ACSS1: variants seen among roughly 807,000 people sequenced by gnomAD.
ACSS1 encodes the protein acetyl-coenzyme A synthetase 2-like, mitochondrial.
A neutral mutation model predicts 75.3 loss-of-function variants in ACSS1; 42 were observed. The observed-to-expected ratio is 0.56, with a 90% CI of 0.44 to 0.72. The LOEUF (loss-of-function observed/expected upper bound fraction) is 0.72, where lower values mean the gene tolerates loss of function less well. Ranked by LOEUF, ACSS1 falls within the 30% of genes least tolerant of loss-of-function variation. The pLI, the probability that ACSS1 is intolerant of heterozygous loss-of-function variation, is 0.00. For missense variants in ACSS1, 782 were observed against 935.7 expected, an observed-to-expected ratio of 0.84 and a Z score of 2.14; for synonymous variants, 380 against 376.8, an observed-to-expected ratio of 1.01 and a Z score of -0.10.
At chr20:25,022,310 G>C (rs2088637027) in intron 5 of ACSS1, among the ~76,000 whole-genome samples, 1 of 152,174 alleles carries the variant, frequency 6.6e-6, no homozygotes, top group Non-Finnish European at 1.5e-5. Flanking sequence ...GCAGTGATCT[G>C]AGATCACACC....
At chr20:25,018,423 T>C (rs2088557646) in intron 7 of ACSS1, among the ~76,000 whole-genome samples, 1 of 152,200 alleles carries the variant, frequency 6.6e-6, no homozygotes, top group African/African-American at 2.4e-5. Context: ...ATTCACCATC[T>C]AGAAAGGAAC....
chr20:25,041,388 G>A (rs115988735), intron 2 of ACSS1, among the ~76,000 whole-genome samples: 2,027 of 152,338 alleles, frequency 0.013, 53 homozygotes, highest in African/African-American at 0.046. Context: ...GGCATGGAGG[G>A]TCTGCATAAG....
At position 25,024,389 on chromosome 20, in the gene ACSS1, C is replaced by A. The variant is rs774236247; in HGVS notation, c.632-748G>T. On this transcript the variant is annotated intron_variant, in intron 3 of 13. Coordinates refer to ENST00000323482, the MANE Select transcript of ACSS1 (RefSeq NM_032501.4). ...GTGTCCTCCACGCTGTGCCCCAGTG[C>A]GGGATGACCCAGAGGGATCACAGCT... Among the ~76,000 whole-genome samples, 3 of 152,328 alleles carry A rather than the reference C, an allele frequency of 2.0e-5. No individual in the cohort carries two copies. In the East Asian group the frequency reaches 5.8e-4, roughly 29 times the overall value.
Position 25,013,561 on chromosome 20 carries a change from C to T in ACSS1, c.1554G>A (p.Val518=), listed in dbSNP as rs1393112099. ...RTIYGDHQRF[V]DAYFKAYPGY... ...CTGGGTAGGCCTTGAAGTAGGCGTCCACAAATCGCTGGTGGTCGCCATAGA... is the reference window on the plus strand; with the variant it reads ...CTGGGTAGGCCTTGAAGTAGGCGTCTACAAATCGCTGGTGGTCGCCATAGA... The change falls in exon 10 of 14, where the codon GTG becomes GTA. Residue 518 remains valine (V), a synonymous_variant. Transcript: ENST00000323482. 4 of 1,604,072 alleles carry T rather than the reference C, an allele frequency of 2.5e-6. No homozygotes were observed. The highest frequency in any genetic ancestry group is 8.5e-7 in the Non-Finnish European group (1 of 1,171,846).
At chr20:25,046,638 C>CTTT in intron 2 of ACSS1, 1 of 603,468 alleles carries the variant, frequency 1.7e-6, no homozygotes, top group South Asian at 2.0e-5. Flanking sequence ...TACTGAAGAA[C>CTTT]TACTCCAGGG....
chr20:25,051,341 G>A (rs961634376), intron 1 of ACSS1, among the ~76,000 whole-genome samples: 15 of 152,206 alleles, frequency 9.9e-5, no homozygotes, highest in African/African-American at 3.6e-4. Flanking sequence ...TTGCGTCCTC[G>A]AGCCAAAGGG....
intron 2 of ACSS1, among the ~76,000 whole-genome samples, chr20:25,037,005 A>AAAGAAAGG (rs1555853782): frequency 7.6e-6 from 1 of 131,850 alleles, no homozygotes; most frequent in Admixed American, 7.6e-5. Context: ...AAGAAGAAAG[A>AAAGAAAGG]AAGGAAGGAA....
chr20:25,035,488 C>A (rs1295510539), intron 2 of ACSS1, among the ~76,000 whole-genome samples: 2 of 152,090 alleles, frequency 1.3e-5, no homozygotes, highest in Non-Finnish European at 2.9e-5. Flanking sequence ...TCACTGCAAC[C>A]TCCACCTCCC....
At position 25,007,259 on chromosome 20, in the gene ACSS1, A is replaced by AGAGG. The variant is rs2088324563; in HGVS notation, c.*502_*503insCCTC. On this transcript the variant is annotated 3_prime_UTR_variant, in exon 14 of 14. Coordinates refer to ENST00000323482, the MANE Select transcript of ACSS1 (RefSeq NM_032501.4). ...GGCAAAAAAGGAGATTTTCATAACT[A>AGAGG]CATGTTAAAAAGAACATGTTCAAGT... is the stretch of plus-strand genomic sequence containing the variant. 1 of 1,135,234 alleles carries AGAGG rather than the reference A, an allele frequency of 8.8e-7. No homozygotes were observed. Among genetic ancestry groups the AGAGG allele is most frequent in the Non-Finnish European group, 1.1e-6 (1 of 923,554 alleles). 70.3% of individuals were successfully genotyped at this position (1,135,234 alleles called of 1,614,324 possible).
intron 10 of ACSS1, 99 bp from the exon 11 acceptor site, chr20:25,013,038 A>T: frequency 6.4e-7 from 1 of 1,560,124 alleles, no homozygotes; most frequent in Non-Finnish European, 8.7e-7. Context: ...CACGCGGCTG[A>T]AGTCTCGCCC....
intron 2 of ACSS1, among the ~76,000 whole-genome samples, chr20:25,041,414 C>T (rs2089002104): frequency 6.6e-6 from 1 of 152,228 alleles, no homozygotes; most frequent in African/African-American, 2.4e-5. Context: ...GGCTGGGCTT[C>T]CACAGATGGC....
intron 3 of ACSS1, among the ~76,000 whole-genome samples, chr20:25,028,401 T>A (rs2122672496): frequency 6.6e-6 from 1 of 152,294 alleles, no homozygotes; most frequent in South Asian, 2.1e-4. Context: ...GAGATAATAA[T>A]AGATACATAG....
chr20:25,035,727 A>C (rs1199963005), intron 2 of ACSS1, among the ~76,000 whole-genome samples: 2 of 152,192 alleles, frequency 1.3e-5, no homozygotes, highest in African/African-American at 4.8e-5. Context: ...TGGATTTTTA[A>C]GTTTAAACTC....
intron 1 of ACSS1, among the ~76,000 whole-genome samples, chr20:25,050,694 C>T (rs1327781810): frequency 6.6e-6 from 1 of 152,044 alleles, no homozygotes; most frequent in African/African-American, 2.4e-5. Flanking sequence ...CTCATCGCCT[C>T]ACCTGCTCCC....
chr20:25,052,497 G>A (rs2089188650), intron 1 of ACSS1, among the ~76,000 whole-genome samples: 2 of 152,192 alleles, frequency 1.3e-5, no homozygotes, highest in Admixed American at 1.3e-4. Context: ...CCAAGGGCAG[G>A]GACTGTGTCC....
At position 25,006,265 on chromosome 20, in the gene ACSS1, C is replaced by T. The variant is rs1418040344; in HGVS notation, c.*1497G>A. On this transcript the variant is annotated 3_prime_UTR_variant, in exon 14 of 14. Coordinates refer to ENST00000323482, the MANE Select transcript of ACSS1 (RefSeq NM_032501.4). Reference sequence around the variant, plus strand: ...ACAAAATAAAGCTTTATTTGAACTCCCTCCCCTACAGATCATTCAGATGCC... The same window carrying T: ...ACAAAATAAAGCTTTATTTGAACTCTCTCCCCTACAGATCATTCAGATGCC... 6.6e-6 allele frequency: 1 copy of T among 152,268 alleles called. No homozygotes were observed. Among genetic ancestry groups the T allele is most frequent in the Non-Finnish European group, 1.5e-5 (1 of 68,110 alleles). The allele number at this position is 152,268 out of a possible 1,614,324, so 9.4% of individuals were successfully genotyped here. A position where few individuals can be genotyped will look rare whatever the true frequency, so the allele number is the denominator to read the frequency against.
chr20:25,007,143 A>G lies in ACSS1; in HGVS notation c.*619T>C. 7.4e-7 allele frequency: 1 copy of G among 1,357,066 alleles called. No individual in the cohort carries two copies. The allele number at this position is 1,357,066 out of a possible 1,614,324, so 84.1% of individuals were successfully genotyped here. ...AAGTTCTCAAGGGAACTGTTTAGAC[A>G]GAGGTACAAACATCTCCAATTCAGA... On this transcript the variant is annotated 3_prime_UTR_variant, in exon 14 of 14. Coordinates refer to ENST00000323482, the MANE Select transcript of ACSS1 (RefSeq NM_032501.4).
intron 7 of ACSS1, among the ~76,000 whole-genome samples, chr20:25,016,560 C>T (rs2122611312): frequency 6.6e-6 from 1 of 152,362 alleles, no homozygotes; most frequent in South Asian, 2.1e-4. Context: ...GGACCACTCA[C>T]AACCCACAGC....
At chr20:25,055,017 C>T (rs1298988978) in intron 1 of ACSS1, among the ~76,000 whole-genome samples, 1 of 152,240 alleles carries the variant, frequency 6.6e-6, no homozygotes, top group African/African-American at 2.4e-5. Flanking sequence ...CTGCATCCTT[C>T]AGCCCCTTCT....
Sources: gnomAD v4.1 joint callset for allele counts (sites outside exome capture counted in the v4.1 genomes callset) on GRCh38, gnomAD v4.1.1 for gene constraint, MANE v1.5 for transcripts, NCBI Gene and HGNC (gene_info 2026-07-23, HGNC 2026-07-21) for gene names.